The following LPP variants were observed in gnomAD, a reference collection of about 807,000 sequenced individuals.
LPP encodes LIM domain containing preferred translocation partner in lipoma.
LPP carries 38 observed loss-of-function variants against 60.4 expected under a neutral mutation model. The observed-to-expected ratio is 0.63, with a 90% confidence interval of 0.49 to 0.83. LPP has a LOEUF of 0.83. LPP is among the 40% of genes least tolerant of loss of function. The pLI is 0.00. For synonymous variants in LPP, 328 were observed against 290.8 expected, an observed-to-expected ratio of 1.13 and a Z score of -1.30; for missense variants, 902 against 783.6, an observed-to-expected ratio of 1.15 and a Z score of -1.80.
chr3:188,728,287 G>T (rs568909618), intron 8 of LPP, among the ~76,000 whole-genome samples: 2,522 of 152,234 alleles, frequency 0.017, 54 homozygotes, highest in African/African-American at 0.057. Context: ...TCACAAACAT[G>T]AAAACAGAAT....
Position 188,883,498 on chromosome 3 carries a change from G to A in LPP, c.*9019G>A, listed in dbSNP as rs902115405. The A allele has an allele frequency of 2.8e-4, 52 of 185,568 alleles. No homozygotes were observed. Among genetic ancestry groups the A allele is most frequent in the Admixed American group, 2.7e-3 (44 of 16,170 alleles). 11.5% of individuals were successfully genotyped at this position (185,568 alleles called of 1,614,324 possible). ...CTGTAATCCAGCACTTTGGGAGGCCGAGGCGAGCGGATCATGAGGTCAAGA... is the reference window on the plus strand; with the variant it reads ...CTGTAATCCAGCACTTTGGGAGGCCAAGGCGAGCGGATCATGAGGTCAAGA... On this transcript the variant is annotated 3_prime_UTR_variant, in exon 12 of 12. Transcript: ENST00000617246.
At position 188,443,630 on chromosome 3, in the gene LPP, C is replaced by T. The variant is rs565674928; in HGVS notation, c.193+37317C>T. 3.3e-5 allele frequency among the ~76,000 whole-genome samples: 5 copies of T among 152,238 alleles called. No homozygotes were observed. The South Asian group carries it at 1.0e-3, about 32-fold the overall frequency. ...TGTCCTTTTCTTTGTGGTTTTGACT[C>T]CAGCAGCTTCCAAACGACTTTTGCT... On this transcript the variant is annotated intron_variant, in intron 4 of 11. Transcript: ENST00000617246.
chr3:188,362,808 G>A (rs558326358), intron 3 of LPP, among the ~76,000 whole-genome samples: 1 of 152,236 alleles, frequency 6.6e-6, no homozygotes, highest in South Asian at 2.1e-4. Flanking sequence ...AGGATGCAGT[G>A]GAAACCACGT....
chr3:188,703,076 G>A (rs987537401), intron 7 of LPP, among the ~76,000 whole-genome samples: 2 of 152,184 alleles, frequency 1.3e-5, no homozygotes, highest in African/African-American at 4.8e-5. Flanking sequence ...TGTTGTGTAG[G>A]CATTTGAGAT....
rs1479567241 is a variant in LPP at position 188,610,538 on chromosome 3, A to G, written c.1113+694A>G. 6.6e-6 allele frequency among the ~76,000 whole-genome samples: 1 copy of G among 152,252 alleles called. No individual in the cohort carries two copies. The highest frequency in any genetic ancestry group is 2.4e-5 in the African/African-American group (1 of 41,476). ...TATTCATTTTACTAATCCTCCAGAAAGAATCTTATTCTTCAGCCTTTAGCA... is the reference window on the plus strand; with the variant it reads ...TATTCATTTTACTAATCCTCCAGAAGGAATCTTATTCTTCAGCCTTTAGCA... On this transcript the variant is annotated intron_variant, in intron 7 of 11. Transcript: ENST00000617246. The surrounding 1 kb of genome is among the most constrained non-coding windows in gnomAD (Gnocchi z 4.4).
chr3:188,472,215 T>G (rs1802025266), intron 4 of LPP, among the ~76,000 whole-genome samples: 1 of 152,222 alleles, frequency 6.6e-6, no homozygotes, highest in African/African-American at 2.4e-5. Context: ...CTGTTTGTTC[T>G]GAGCTTCCTT....
intron 7 of LPP, among the ~76,000 whole-genome samples, chr3:188,642,227 ATTAT>A (rs1850286700): frequency 6.6e-6 from 1 of 152,154 alleles, no homozygotes; most frequent in Non-Finnish European, 1.5e-5. Context: ...ATCCTCATAA[ATTAT>A]TTATTTCCCA....
chr3:188,459,927 T>G (rs1198938792), intron 4 of LPP, among the ~76,000 whole-genome samples: 1 of 152,180 alleles, frequency 6.6e-6, no homozygotes, highest in African/African-American at 2.4e-5. Flanking sequence ...GTTTCTTATG[T>G]TCATGTATCT....
At chr3:188,491,227 C>G (rs1808281303) in intron 5 of LPP, among the ~76,000 whole-genome samples, 1 of 152,130 alleles carries the variant, frequency 6.6e-6, no homozygotes, top group Non-Finnish European at 1.5e-5. Flanking sequence ...TGGGTTGGAC[C>G]ACCTTATCAT....
At chr3:188,466,316 G>GT (rs1255395769) in intron 4 of LPP, among the ~76,000 whole-genome samples, 61 of 152,214 alleles carry the variant, frequency 4.0e-4, no homozygotes, top group African/African-American at 1.4e-3. Context: ...TTACAGTTAG[G>GT]TTAACGGCCA....
At chr3:188,587,943 CTTAA>C (rs1325059724) in intron 6 of LPP, among the ~76,000 whole-genome samples, 2 of 152,164 alleles carry the variant, frequency 1.3e-5, no homozygotes, top group Non-Finnish European at 2.9e-5. Flanking sequence ...TATGATATTT[CTTAA>C]TGAATGGAAA....
chr3:188,760,433 T>TGTGTGTGC (rs1399975250), intron 9 of LPP, 151 bp downstream of exon 9: 3 of 730,128 alleles, frequency 4.1e-6, no homozygotes, highest in Non-Finnish European at 6.6e-6. Context: ...TGTGTGTGTG[T>TGTGTGTGC]GTGCGTGCGC....
intron 9 of LPP, among the ~76,000 whole-genome samples, chr3:188,834,326 T>G (rs1399139565): frequency 1.7e-5 from 2 of 116,452 alleles, no homozygotes; most frequent in Non-Finnish European, 3.6e-5. Context: ...TTTTGGGTGT[T>G]TTTTTTTTTT....
rs749464346 is a variant in LPP, at chr3:188,609,387, C to T, written c.656C>T (p.Pro219Leu). ...SYTTASTSSR[P>L]TFNVQVKSAQ... The stretch of plus-strand genomic sequence containing the variant: ...ACCACGGCCTCCACTTCTTCAAGGC[C>T]TACCTTTAATGTGCAGGTGAAGTCA... Residue 219 changes from proline (P) to leucine (L), a missense_variant, in exon 7 of 12, where the codon CCT becomes CTT. Pro to Leu is a moderately conservative substitution (Grantham distance 98, BLOSUM62 -3). Transcript: ENST00000617246. This position sits in a 1 kb window ranked among gnomAD's most constrained non-coding sequence, Gnocchi z 6.9. 3.7e-5 allele frequency: 60 copies of T among 1,614,054 alleles called. No individual in the cohort carries two copies. Among genetic ancestry groups the T allele is most frequent in the African/African-American group, 1.2e-4 (9 of 74,926 alleles).
chr3:188,687,307 A>G (rs1860981708), intron 7 of LPP, among the ~76,000 whole-genome samples: 1 of 152,148 alleles, frequency 6.6e-6, no homozygotes, highest in Non-Finnish European at 1.5e-5. Context: ...GAAAGTGCTA[A>G]TTTGGGAGTG....
intron 7 of LPP, among the ~76,000 whole-genome samples, chr3:188,646,248 A>G (rs753160354): frequency 6.6e-6 from 1 of 152,160 alleles, no homozygotes; most frequent in Non-Finnish European, 1.5e-5. Flanking sequence ...TTTATTCCTT[A>G]GTCAGGGAGT....
At chr3:188,315,092 G>T (rs971343479) in intron 2 of LPP, among the ~76,000 whole-genome samples, 1 of 151,862 alleles carries the variant, frequency 6.6e-6, no homozygotes, top group Non-Finnish European at 1.5e-5. Flanking sequence ...TTTTTCTGTA[G>T]TAATTGGACT....
chr3:188,853,380 A>AGAACAGAAGAGGAGAGTGAT (rs1200016356), intron 9 of LPP, among the ~76,000 whole-genome samples: 1 of 152,260 alleles, frequency 6.6e-6, no homozygotes, highest in Non-Finnish European at 1.5e-5. Context: ...GTGCTGTGAA[A>AGAACAGAAGAGGAGAGTGAT]GAACAGAAGA....
chr3:188,252,564 C>T (rs553367583), intron 2 of LPP, among the ~76,000 whole-genome samples: 2 of 152,094 alleles, frequency 1.3e-5, no homozygotes, highest in East Asian at 1.9e-4. Flanking sequence ...GATGGAATGT[C>T]CCACTAGCAT....
Sources: allele counts gnomAD v4.1 joint callset (sites outside exome capture counted in the v4.1 genomes callset), GRCh38; gene constraint gnomAD v4.1.1; non-coding constraint Gnocchi (gnomAD v3.1); transcripts MANE v1.5; gene names NCBI Gene and HGNC (gene_info 2026-07-23, HGNC 2026-07-21).